The following WASF3 variants were observed in gnomAD, a reference collection of about 807,000 sequenced individuals.
WASF3 encodes the protein actin-binding protein WASF3.
In WASF3, 11 loss-of-function variants were observed where a neutral mutation model predicts 46.6. The ratio of observed to expected loss-of-function variants is 0.24; its 90% CI spans 0.15 to 0.39. WASF3 has a LOEUF of 0.39. WASF3 is among the 10% of genes least tolerant of loss of function. The pLI is 1.00. For missense variants in WASF3, 576 were observed against 669.8 expected (o/e 0.86, Z 1.55); for synonymous variants, 242 against 259.7 (o/e 0.93, Z 0.65).
intron 3 of WASF3, among the ~76,000 whole-genome samples, chr13:26,645,120 G>A (rs761873402): frequency 5.3e-5 from 8 of 152,208 alleles, no homozygotes; most frequent in South Asian, 2.1e-4. Flanking sequence ...ACAATTCCGC[G>A]TTGAAATCCT....
chr13:26,608,401 A>G (rs1307076712), intron 1 of WASF3, among the ~76,000 whole-genome samples: 1 of 152,192 alleles, frequency 6.6e-6, no homozygotes, highest in Non-Finnish European at 1.5e-5. Flanking sequence ...TGAAATTAAA[A>G]TGCACCTAGC....
At chr13:26,653,291 A>G (rs1289157952) in intron 3 of WASF3, among the ~76,000 whole-genome samples, 1 of 152,146 alleles carries the variant, frequency 6.6e-6, no homozygotes, top group East Asian at 1.9e-4. Context: ...CTCATCAAGT[A>G]TAAATATGCA....
chr13:26,574,540 C>G (rs1428409491), intron 1 of WASF3, among the ~76,000 whole-genome samples: 3 of 151,860 alleles, frequency 2.0e-5, no homozygotes, highest in Non-Finnish European at 4.4e-5. Context: ...TGAATCACTG[C>G]ATTTTAAGTA....
chr13:26,658,158 T>C (rs1002211030), intron 3 of WASF3, among the ~76,000 whole-genome samples: 1 of 152,208 alleles, frequency 6.6e-6, no homozygotes, highest in Non-Finnish European at 1.5e-5. Context: ...AGTCTTGGTG[T>C]ATATGCTGTC....
In WASF3 at chr13:26,594,255, T is replaced by C. The variant is rs549579731; in HGVS notation, c.-108-18706T>C. Among the ~76,000 whole-genome samples, 4 of 152,354 alleles carry C rather than the reference T, an allele frequency of 2.6e-5. No homozygotes were observed. The South Asian group carries it at 8.3e-4, about 32-fold the overall frequency. On this transcript the variant is annotated intron_variant, in intron 1 of 9. Transcript: ENST00000335327. ...TTCAGTTCCAGCGAGGGCTAATTTA[T>C]GGCCTCTGCTCCAAGGTCTAACTCT...
At chr13:26,585,236 A>G (rs557930278) in intron 1 of WASF3, among the ~76,000 whole-genome samples, 25 of 152,314 alleles carry the variant, frequency 1.6e-4, no homozygotes, top group Admixed American at 3.9e-4. Context: ...AAAATGATGG[A>G]AATCCAGATG....
intron 9 of WASF3, among the ~76,000 whole-genome samples, chr13:26,685,106 G>A (rs1266439516): frequency 6.8e-6 from 1 of 146,908 alleles, no homozygotes; most frequent in Admixed American, 6.8e-5. Context: ...AAAAAAAAAT[G>A]GATAAACATT....
intron 1 of WASF3, among the ~76,000 whole-genome samples, chr13:26,604,104 T>A (rs1194216641): frequency 6.6e-6 from 1 of 152,198 alleles, no homozygotes; most frequent in Non-Finnish European, 1.5e-5. Flanking sequence ...GTGAGATAGA[T>A]GTAGGTGAGT....
chr13:26,627,663 A>T lies in WASF3; in HGVS notation c.-10-14598A>T, dbSNP rs77352202. On this transcript the variant is annotated intron_variant, in intron 2 of 9. Transcript: ENST00000335327. ...GAGAATCCTCGCAAATGGCAGTAGG[A>T]AGTAAAATTAGCTACCCAAGTTGCT... Among the ~76,000 whole-genome samples the T allele has an allele frequency of 6.9e-3, 1,045 of 152,286 alleles. 9 individuals are homozygous for T. The highest frequency in any genetic ancestry group is 0.023 in the African/African-American group (967 of 41,570).
At chr13:26,578,185 T>C (rs1262210718) in intron 1 of WASF3, among the ~76,000 whole-genome samples, 1 of 152,196 alleles carries the variant, frequency 6.6e-6, no homozygotes, top group East Asian at 1.9e-4. Context: ...GTAGAAATTA[T>C]AAGATTAGAT....
At chr13:26,654,892 G>GA (rs1177255711) in intron 3 of WASF3, among the ~76,000 whole-genome samples, 1 of 151,958 alleles carries the variant, frequency 6.6e-6, no homozygotes, top group Non-Finnish European at 1.5e-5. Flanking sequence ...TAAAAAAGAG[G>GA]AAAAAACTTT....
chr13:26,615,546 A>G (rs1010344837), intron 2 of WASF3, among the ~76,000 whole-genome samples: 6 of 152,050 alleles, frequency 3.9e-5, no homozygotes, highest in African/African-American at 1.4e-4. Flanking sequence ...TGACCTTGTG[A>G]TCCCCCTGCC....
chr13:26,647,224 T>C (rs1049193165), intron 3 of WASF3, among the ~76,000 whole-genome samples: 1 of 152,230 alleles, frequency 6.6e-6, no homozygotes, highest in Non-Finnish European at 1.5e-5. Flanking sequence ...GATCACCACA[T>C]TCAAAGGTTT....
intron 8 of WASF3, 55 bp downstream of exon 8, chr13:26,681,375 C>T: frequency 6.7e-7 from 1 of 1,494,478 alleles, no homozygotes; most frequent in Non-Finnish European, 8.9e-7. Flanking sequence ...TTGAATCTTG[C>T]TCTATGTGGT....
chr13:26,562,266 C>T (rs1448473597), intron 1 of WASF3, among the ~76,000 whole-genome samples: 1 of 152,146 alleles, frequency 6.6e-6, no homozygotes, highest in African/African-American at 2.4e-5. Context: ...AATAGGCTCC[C>T]ACACTGGGAC....
chr13:26,545,801 A>T, the WASF3 span, among the ~76,000 whole-genome samples: 16 of 152,142 alleles, frequency 1.1e-4, 1 homozygote, highest in East Asian at 2.9e-3. Context: ...ACAGGGTCTC[A>T]CTCTGTTGCC....
intron 1 of WASF3, among the ~76,000 whole-genome samples, chr13:26,559,559 C>T (rs1355659923): frequency 6.6e-6 from 1 of 152,158 alleles, no homozygotes; most frequent in South Asian, 2.1e-4. Flanking sequence ...TCACACGTTA[C>T]GGTTCCCATA....
At chr13:26,619,686 A>AC (rs1946589072) in intron 2 of WASF3, among the ~76,000 whole-genome samples, 2 of 152,180 alleles carry the variant, frequency 1.3e-5, no homozygotes, top group Non-Finnish European at 2.9e-5. Context: ...ACCAGACAAA[A>AC]CCATCTGTTT....
intron 3 of WASF3, among the ~76,000 whole-genome samples, chr13:26,649,737 A>G (rs1291668373): frequency 6.6e-6 from 1 of 152,146 alleles, no homozygotes; most frequent in African/African-American, 2.4e-5. Context: ...TGAAGATTGG[A>G]GAAAAATCTC....
Sources: allele counts gnomAD v4.1 joint callset (sites outside exome capture counted in the v4.1 genomes callset), GRCh38; gene constraint gnomAD v4.1.1; transcripts MANE v1.5; gene names NCBI Gene and HGNC (gene_info 2026-07-23, HGNC 2026-07-21).